LHFPL6: variants seen among roughly 807,000 people sequenced by gnomAD.
The protein encoded by LHFPL6 is LHFPL tetraspan subfamily member 6 protein.
LHFPL6 carries 9 observed loss-of-function variants against 20.6 expected under a neutral mutation model. That is an observed-to-expected ratio of 0.44 (90% CI 0.26 to 0.76). The LOEUF (loss-of-function observed/expected upper bound fraction) is 0.76, where lower values mean the gene tolerates loss of function less well. Ranked by LOEUF, LHFPL6 falls within the 30% of genes least tolerant of loss-of-function variation. The pLI is 0.20. For synonymous variants in LHFPL6, 105 were observed against 98.7 expected (o/e 1.06, Z -0.38); for missense variants, 218 against 253.5 (o/e 0.86, Z 0.95).
chr13:39,554,489 G>C (rs577708206), intron 2 of LHFPL6, among the ~76,000 whole-genome samples: 1 of 152,308 alleles, frequency 6.6e-6, no homozygotes, highest in East Asian at 1.9e-4. Context: ...GAACAGTTGA[G>C]CATGGAATTC....
At chr13:39,472,732 C>T (rs149056980) in intron 2 of LHFPL6, among the ~76,000 whole-genome samples, 23 of 152,104 alleles carry the variant, frequency 1.5e-4, no homozygotes, top group East Asian at 1.2e-3. Flanking sequence ...CCCCAGCCTC[C>T]GGAGTAGCTG....
At position 39,602,363 on chromosome 13, in the gene LHFPL6, T is replaced by C. The variant is rs188756108; in HGVS notation, c.-175+520A>G. Among the ~76,000 whole-genome samples the C allele has an allele frequency of 2.9e-4, 44 of 152,126 alleles. 1 individual carries two copies. In the East Asian group the frequency reaches 7.7e-3, roughly 27 times the overall value. Reference sequence around the variant, plus strand: ...TTCACCTCGCCCCTACCCGTTTTTTTCTCTAACCACCGCCCATTTTCAGTT... The same window carrying C: ...TTCACCTCGCCCCTACCCGTTTTTTCCTCTAACCACCGCCCATTTTCAGTT... On this transcript the variant is annotated intron_variant, in intron 1 of 3. Coordinates refer to ENST00000379589, the MANE Select transcript of LHFPL6 (RefSeq NM_005780.3).
chr13:39,517,465 G>A (rs1335004900), intron 2 of LHFPL6, among the ~76,000 whole-genome samples: 1 of 152,176 alleles, frequency 6.6e-6, no homozygotes, highest in Admixed American at 6.5e-5. Flanking sequence ...TTAAATGAAT[G>A]TAATTAATCC....
intron 3 of LHFPL6, among the ~76,000 whole-genome samples, chr13:39,374,921 G>C (rs1178097460): frequency 6.6e-6 from 1 of 152,114 alleles, no homozygotes; most frequent in East Asian, 1.9e-4. Flanking sequence ...AATATTTGTT[G>C]GCTGACTAAT....
chr13:39,512,119 T>C (rs538420456), intron 2 of LHFPL6, among the ~76,000 whole-genome samples: 52 of 152,316 alleles, frequency 3.4e-4, no homozygotes, highest in African/African-American at 1.2e-3. Context: ...ATAAAGATAA[T>C]GTCAAGTCTT....
chr13:39,426,218 CTT>C (rs764309808), intron 2 of LHFPL6, among the ~76,000 whole-genome samples: 4,190 of 148,752 alleles, frequency 0.028, 168 homozygotes, highest in African/African-American at 0.091. Context: ...TTCTTTTTTT[CTT>C]TTTCTTTTTT....
intron 2 of LHFPL6, among the ~76,000 whole-genome samples, chr13:39,475,120 G>A (rs1873050403): frequency 1.3e-5 from 2 of 152,156 alleles, no homozygotes; most frequent in African/African-American, 2.4e-5. Context: ...CCACACAGCC[G>A]ACAGACAGAG....
intron 2 of LHFPL6, among the ~76,000 whole-genome samples, chr13:39,527,500 T>C (rs1482278728): frequency 6.6e-6 from 1 of 150,634 alleles, no homozygotes; most frequent in East Asian, 2.0e-4. Flanking sequence ...TTCCATCTGT[T>C]GTCCAGAAAA....
At chr13:39,575,889 G>A (rs1025469436) in intron 2 of LHFPL6, among the ~76,000 whole-genome samples, 5 of 152,160 alleles carry the variant, frequency 3.3e-5, no homozygotes, top group Admixed American at 6.5e-5. Flanking sequence ...GTGCTGACAC[G>A]TCTGATTAGA....
chr13:39,389,135 C>T (rs1323934), intron 2 of LHFPL6, among the ~76,000 whole-genome samples: 3,511 of 152,170 alleles, frequency 0.023, 158 homozygotes, highest in African/African-American at 0.081. Context: ...ATGGAGACAA[C>T]GATGGAACCA....
At chr13:39,514,346 C>T (rs1347758586) in intron 2 of LHFPL6, among the ~76,000 whole-genome samples, 3 of 152,190 alleles carry the variant, frequency 2.0e-5, no homozygotes, top group African/African-American at 7.2e-5. Flanking sequence ...CCCCTCTCCA[C>T]ATCCAGAGCT....
At chr13:39,408,321 A>G (rs1248687442) in intron 2 of LHFPL6, among the ~76,000 whole-genome samples, 1 of 152,232 alleles carries the variant, frequency 6.6e-6, no homozygotes, top group Non-Finnish European at 1.5e-5. Context: ...CTTTCCCCAG[A>G]TTATCAGACC....
chr13:39,395,303 G>A (rs956700725), intron 2 of LHFPL6, among the ~76,000 whole-genome samples: 4 of 152,100 alleles, frequency 2.6e-5, no homozygotes, highest in Non-Finnish European at 5.9e-5. Context: ...GCTGTTTCTG[G>A]CAATAGTATT....
chr13:39,601,006 A>G lies in LHFPL6; in HGVS notation c.211T>C (p.Tyr71His). 1 of 1,614,094 alleles carries G rather than the reference A, an allele frequency of 6.2e-7. No homozygotes were observed. The highest frequency in any genetic ancestry group is 8.5e-7 in the Non-Finnish European group (1 of 1,179,978). ...MMVMVEECGR[Y>H]ASFQGIPSAE... ...CTGGGGATGCCCTGGAAGGAGGCAT[A>G]GCGCCCACATTCCTCCACCATCACC... Residue 71 changes from tyrosine (Y) to histidine (H), a missense_variant, in exon 2 of 4, where the codon TAT becomes CAT. Tyr to His is a moderately conservative substitution (Grantham distance 83, BLOSUM62 2). Coordinates refer to ENST00000379589, the MANE Select transcript of LHFPL6 (RefSeq NM_005780.3).
chr13:39,562,831 G>A (rs1871584290), intron 2 of LHFPL6, among the ~76,000 whole-genome samples: 1 of 151,672 alleles, frequency 6.6e-6, no homozygotes, highest in Admixed American at 6.6e-5. Flanking sequence ...ACCCACCAGA[G>A]CGCCATTCAG....
chr13:39,394,395 G>A (rs1870791952), intron 2 of LHFPL6, among the ~76,000 whole-genome samples: 1 of 152,098 alleles, frequency 6.6e-6, no homozygotes, highest in Non-Finnish European at 1.5e-5. Context: ...ACTTGTGGGG[G>A]GCAAGTTCAA....
At chr13:39,505,497 T>TAA (rs796481432) in intron 2 of LHFPL6, among the ~76,000 whole-genome samples, 3 of 142,134 alleles carry the variant, frequency 2.1e-5, no homozygotes, top group East Asian at 2.0e-4. Flanking sequence ...GAGAACTGTC[T>TAA]AAAAAAAAAA....
At chr13:39,561,575 G>A (rs920202505) in intron 2 of LHFPL6, among the ~76,000 whole-genome samples, 1 of 152,110 alleles carries the variant, frequency 6.6e-6, no homozygotes, top group Admixed American at 6.5e-5. Flanking sequence ...TGATCCTCCT[G>A]CCTCAGCCTC....
chr13:39,355,094 G>C (rs1208560364), intron 3 of LHFPL6, among the ~76,000 whole-genome samples: 1 of 148,494 alleles, frequency 6.7e-6, no homozygotes, highest in African/African-American at 2.5e-5. Context: ...ATAGTGATCA[G>C]ACTCTCCAAG....
Sources: allele counts gnomAD v4.1 joint callset (sites outside exome capture counted in the v4.1 genomes callset), GRCh38; gene constraint gnomAD v4.1.1; transcripts MANE v1.5; gene names NCBI Gene and HGNC (gene_info 2026-07-23, HGNC 2026-07-21).